The following KIFAP3 variants were observed in gnomAD, a reference collection of about 807,000 sequenced individuals.
KIFAP3 encodes the protein kinesin-associated protein 3.
KIFAP3 carries 68 observed loss-of-function variants against 106.5 expected under a neutral mutation model. The ratio of observed to expected loss-of-function variants is 0.64; its 90% confidence interval spans 0.53 to 0.78. The LOEUF (loss-of-function observed/expected upper bound fraction) is 0.78. Among genes scored for constraint, KIFAP3 ranks in the 30% least tolerant of loss-of-function variants. KIFAP3 has a pLI of 0.00. For missense variants in KIFAP3, 780 were observed against 941.8 expected (o/e 0.83, Z 2.25); for synonymous variants, 320 against 311.5 (o/e 1.03, Z -0.29).
chr1:170,034,489 G>T lies in KIFAP3; in HGVS notation c.625C>A (p.Gln209Lys). The change falls in exon 7 of 20, where the codon CAA (glutamine) becomes AAA (lysine). Residue 209 changes from glutamine to lysine, a missense_variant. Gln to Lys is a moderately conservative substitution (Grantham distance 53). Coordinates refer to ENST00000361580, the MANE Select transcript of KIFAP3 (RefSeq NM_014970.4). ...YIFFCFSSFS[Q>K]FHGLITHYKI... is the part of the protein sequence containing the mutation. ...TAGTGAGTAATAAGTCCATGAAATT[G>T]AGAAAAGCTTTAAAGAAGACATTTT... 2.1e-6 allele frequency: 3 copies of T among 1,439,996 alleles called. No homozygotes were observed. The highest frequency in any genetic ancestry group is 2.6e-5 in the South Asian group (2 of 77,050). The allele number at this position is 1,439,996 out of a possible 1,614,324, so 89.2% of individuals were successfully genotyped here.
At chr1:170,056,927 A>G (rs2102127112) in intron 1 of KIFAP3, among the ~76,000 whole-genome samples, 1 of 152,228 alleles carries the variant, frequency 6.6e-6, no homozygotes, top group South Asian at 2.1e-4. Flanking sequence ...ATATAAATAT[A>G]TATTTAAAAG....
chr1:169,921,713 C>T lies in KIFAP3; in HGVS notation c.2342G>A (p.Arg781His), dbSNP rs760327497. Reference protein sequence around the residue: ...LGRPATAYGFRPDEPYYYGYG... With the variant: ...LGRPATAYGFHPDEPYYYGYG... ...GCCATAGTAGTAAGGTTCATCAGGG[C>T]GGAATCCATATGCTGTGGCAGGGCG... The change falls in exon 20 of 20, where the codon CGC becomes CAC. Residue 781 changes from arginine to histidine, a missense_variant. Physicochemically the swap from Arg to His is conservative, Grantham distance 29. Transcript: ENST00000361580. 3.7e-5 allele frequency: 59 copies of T among 1,613,594 alleles called. No homozygotes were observed. In the Middle Eastern group the frequency reaches 6.6e-4, roughly 18 times the overall value.
intron 10 of KIFAP3, among the ~76,000 whole-genome samples, chr1:170,016,238 A>G (rs576956522): frequency 6.6e-6 from 1 of 152,228 alleles, no homozygotes; most frequent in South Asian, 2.1e-4. Flanking sequence ...TGGATAAATG[A>G]AGTCAAAGGG....
At chr1:170,035,634 T>C in intron 5 of KIFAP3, 81 bp from the exon 6 acceptor site, 1 of 784,970 alleles carries the variant, frequency 1.3e-6, no homozygotes, top group Non-Finnish European at 2.0e-6. Flanking sequence ...TGTCTAGTTA[T>C]TAATGAATAA....
intron 1 of KIFAP3, among the ~76,000 whole-genome samples, chr1:170,067,055 GAAT>G (rs1261579737): frequency 1.3e-5 from 2 of 151,678 alleles, no homozygotes; most frequent in Admixed American, 6.6e-5. Context: ...CCAAAATTAA[GAAT>G]AATAATAAAT....
intron 10 of KIFAP3, among the ~76,000 whole-genome samples, chr1:169,996,221 C>T (rs190605464): frequency 3.1e-4 from 47 of 152,180 alleles, no homozygotes; most frequent in African/African-American, 1.0e-3. Context: ...AGTTCTCCCA[C>T]ACCTTCCTGC....
upstream of KIFAP3, among the ~76,000 whole-genome samples, chr1:170,078,241 C>G (rs149513167): frequency 1.3e-4 from 20 of 152,012 alleles, no homozygotes; most frequent in East Asian, 3.5e-3. Context: ...TCTGTTTACT[C>G]TCATCATTCT....
intron 10 of KIFAP3, among the ~76,000 whole-genome samples, chr1:170,014,800 C>T (rs1043564234): frequency 8.6e-5 from 13 of 152,038 alleles, no homozygotes; most frequent in East Asian, 7.7e-4. Context: ...TACTTCATAA[C>T]GATGATGATG....
In KIFAP3 at chr1:170,027,456, ATATAACTG is replaced by A. The variant is rs555953424; in HGVS notation, c.842-2868_842-2861del. ...AATTATAAAAACGGAACATTATGTC[ATATAACTG>A]TATTCCAGATCTTCTAAAAGTTAAG... On this transcript the variant is annotated intron_variant, in intron 8 of 19. Transcript: ENST00000361580. 6.2e-3 allele frequency among the ~76,000 whole-genome samples: 950 copies of A among 152,340 alleles called. 6 individuals carry two copies. The highest frequency in any genetic ancestry group is 9.0e-3 in the Non-Finnish European group (612 of 68,016).
chr1:169,947,680 G>C (rs1161557410), intron 19 of KIFAP3, among the ~76,000 whole-genome samples: 1 of 151,730 alleles, frequency 6.6e-6, no homozygotes, highest in Non-Finnish European at 1.5e-5. Flanking sequence ...AATGGATTGA[G>C]CAAATATTCT....
chr1:169,935,901 T>C (rs1663772530), intron 19 of KIFAP3, among the ~76,000 whole-genome samples: 1 of 152,022 alleles, frequency 6.6e-6, no homozygotes, highest in South Asian at 2.1e-4. Context: ...CTGAGTTCTA[T>C]CTAATTCATG....
chr1:170,033,323 A>C (rs1669510244), intron 7 of KIFAP3, among the ~76,000 whole-genome samples: 1 of 151,830 alleles, frequency 6.6e-6, no homozygotes, highest in Non-Finnish European at 1.5e-5. Context: ...ACATAGATTA[A>C]ATTGAAGCCT....
intron 6 of KIFAP3, among the ~76,000 whole-genome samples, chr1:170,034,957 G>A (rs1352111681): frequency 6.6e-6 from 1 of 151,822 alleles, no homozygotes; most frequent in Non-Finnish European, 1.5e-5. Context: ...GCTAATACTA[G>A]CACATTTTTA....
chr1:169,938,982 G>A (rs12724176), intron 19 of KIFAP3, among the ~76,000 whole-genome samples: 3 of 152,172 alleles, frequency 2.0e-5, no homozygotes, highest in African/African-American at 7.2e-5. Flanking sequence ...TGGAGATGTA[G>A]ATAAGTGTCA....
chr1:169,994,412 A>C (rs1667270888), intron 10 of KIFAP3, among the ~76,000 whole-genome samples: 1 of 152,186 alleles, frequency 6.6e-6, no homozygotes, highest in Admixed American at 6.5e-5. Context: ...TAAAAGACTG[A>C]TAAACACTGA....
At chr1:169,949,003 A>G (rs920368473) in intron 19 of KIFAP3, among the ~76,000 whole-genome samples, 1 of 152,012 alleles carries the variant, frequency 6.6e-6, no homozygotes, top group African/African-American at 2.4e-5. Flanking sequence ...ATTTTTTTAT[A>G]TGTAGAATTC....
intron 2 of KIFAP3, among the ~76,000 whole-genome samples, chr1:170,049,753 G>A (rs900605138): frequency 6.6e-6 from 1 of 151,778 alleles, no homozygotes; most frequent in East Asian, 1.9e-4. Context: ...GTGCCTGGCT[G>A]TTGATACAAA....
At chr1:170,033,197 T>A (rs566608291) in intron 7 of KIFAP3, among the ~76,000 whole-genome samples, 1 of 151,802 alleles carries the variant, frequency 6.6e-6, no homozygotes, top group Admixed American at 6.6e-5. Context: ...AGATTCTAAT[T>A]AAGAAAAGTC....
At position 169,982,853 on chromosome 1, in the gene KIFAP3, G is replaced by T; in HGVS notation, c.1521C>A (p.Asp507Glu). The T allele has an allele frequency of 6.4e-7, 1 of 1,569,042 alleles. No individual in the cohort carries two copies. The highest frequency in any genetic ancestry group is 8.7e-7 in the Non-Finnish European group (1 of 1,153,612). Reference sequence around the variant, plus strand: ...CATCATTAGAGATCTGGGCTGCAAGGTCCCCAACATAATCCTGAATAAAAC... The same window carrying T: ...CATCATTAGAGATCTGGGCTGCAAGTTCCCCAACATAATCCTGAATAAAAC... Reference protein sequence around the residue: ...TKNLFIDYVGDLAAQISNDEE... With the variant: ...TKNLFIDYVGELAAQISNDEE... The change falls in exon 14 of 20, where the codon GAC becomes GAA. Residue 507 changes from aspartate to glutamate, a missense_variant. Around this residue, in one of 3 missense-constraint regions of KIFAP3, gnomAD observed 588 missense variants for 678.9 expected, o/e 0.87. Coordinates refer to ENST00000361580, the MANE Select transcript of KIFAP3 (RefSeq NM_014970.4).
Sources: gnomAD v4.1 joint callset for allele counts (sites outside exome capture counted in the v4.1 genomes callset) on GRCh38, gnomAD v4.1.1 for gene constraint, gnomAD v4.1.1 regional missense constraint, MANE v1.5 for transcripts, NCBI Gene and HGNC (gene_info 2026-07-23, HGNC 2026-07-21) for gene names.